The following TTC7B variants were observed in gnomAD, a reference collection of about 807,000 sequenced individuals.
The protein encoded by TTC7B is tetratricopeptide repeat domain 7B, also known as tetratricopeptide repeat protein 7B.
In TTC7B, 28 loss-of-function variants were observed where a neutral mutation model predicts 106.8. The observed-to-expected ratio is 0.26, with a 90% confidence interval of 0.19 to 0.36. The LOEUF is 0.36. Ranked by LOEUF, TTC7B falls within the 10% of genes least tolerant of loss-of-function variation. The pLI, the probability that TTC7B is intolerant of heterozygous loss-of-function variation, is 1.00. For missense variants in TTC7B, 862 were observed against 1,076.4 expected (o/e 0.80, Z 2.79); for synonymous variants, 405 against 430.6 (o/e 0.94, Z 0.74).
At chr14:90,543,081 T>C (rs1356849911) in intron 19 of TTC7B, among the ~76,000 whole-genome samples, 2 of 152,254 alleles carry the variant, frequency 1.3e-5, no homozygotes, top group Non-Finnish European at 2.9e-5. Flanking sequence ...TGAGGTTAAA[T>C]ATTTCCCATG....
At chr14:90,655,875 A>C (rs1316172493) in intron 11 of TTC7B, among the ~76,000 whole-genome samples, 1 of 152,170 alleles carries the variant, frequency 6.6e-6, no homozygotes. Context: ...TTTTTAAAAA[A>C]AAGAGGTCTA....
rs1446997038 is a variant in TTC7B, at chr14:90,532,907, C to T, written c.*8461G>A. On this transcript the variant is annotated 3_prime_UTR_variant, in exon 20 of 20. Coordinates refer to ENST00000328459, the MANE Select transcript of TTC7B (RefSeq NM_001010854.2). ...GTACTGCTGAATGGCAGGCTAAGCT[C>T]AGGCTGGAAACCCTGACCTCCTGCC... 2 of 152,298 alleles carry T rather than the reference C, an allele frequency of 1.3e-5. No individual in the cohort carries two copies. Among genetic ancestry groups the T allele is most frequent in the Non-Finnish European group, 2.9e-5 (2 of 68,122 alleles). 9.4% of individuals were successfully genotyped at this position (152,298 alleles called of 1,614,324 possible).
intron 3 of TTC7B, chr14:90,766,893 A>C: frequency 6.3e-7 from 1 of 1,583,886 alleles, no homozygotes; most frequent in South Asian, 1.1e-5. Context: ...GGGCCCATAG[A>C]GGGCTGTGCC....
intron 5 of TTC7B, among the ~76,000 whole-genome samples, chr14:90,704,834 T>G (rs1888141271): frequency 6.6e-6 from 1 of 152,118 alleles, no homozygotes; most frequent in Non-Finnish European, 1.5e-5. Context: ...CCCTCTGAAG[T>G]CAGTTCTTTC....
chr14:90,560,906 G>T (rs371485407), intron 19 of TTC7B, among the ~76,000 whole-genome samples: 1 of 152,354 alleles, frequency 6.6e-6, no homozygotes, highest in East Asian at 1.9e-4. Flanking sequence ...TCAGGCAGCA[G>T]GTAAAGAATT....
chr14:90,727,877 C>G (rs1889169748), intron 5 of TTC7B, among the ~76,000 whole-genome samples: 1 of 152,184 alleles, frequency 6.6e-6, no homozygotes, highest in African/African-American at 2.4e-5. Flanking sequence ...GAGCAAGTAC[C>G]TCACAAGGAA....
chr14:90,760,345 A>G (rs1194450182), intron 3 of TTC7B, among the ~76,000 whole-genome samples: 4 of 152,206 alleles, frequency 2.6e-5, no homozygotes, highest in Admixed American at 6.5e-5. Context: ...CATATCCTCC[A>G]CAGTCTGCAG....
intron 19 of TTC7B, among the ~76,000 whole-genome samples, chr14:90,572,180 C>G (rs138931948): frequency 6.6e-6 from 1 of 152,322 alleles, no homozygotes; most frequent in Non-Finnish European, 1.5e-5. Context: ...ACTTCCAGCT[C>G]ATCACGCATA....
At chr14:90,787,009 T>C (rs1891415994) in intron 1 of TTC7B, among the ~76,000 whole-genome samples, 1 of 152,128 alleles carries the variant, frequency 6.6e-6, no homozygotes, top group African/African-American at 2.4e-5. Flanking sequence ...TTTTCAAGAG[T>C]GGCGCGATGA....
chr14:90,676,757 A>AGGGAATGGAGACAAGGGT (rs1886858070), intron 8 of TTC7B, 97 bp from the exon 9 acceptor site: 1 of 1,355,856 alleles, frequency 7.4e-7, no homozygotes, highest in Non-Finnish European at 1.0e-6. Flanking sequence ...CAATTTGCGA[A>AGGGAATGGAGACAAGGGT]GGGAATGGAG....
intron 19 of TTC7B, among the ~76,000 whole-genome samples, chr14:90,557,674 C>A (rs1449965706): frequency 6.6e-6 from 1 of 152,236 alleles, no homozygotes; most frequent in Admixed American, 6.5e-5. Context: ...AAGATGGCAG[C>A]CCTGGAACCC....
At chr14:90,736,251 A>G (rs776643479) in intron 4 of TTC7B, among the ~76,000 whole-genome samples, 8 of 152,054 alleles carry the variant, frequency 5.3e-5, no homozygotes, top group Non-Finnish European at 1.0e-4. Flanking sequence ...TTCTCTGTAC[A>G]TAGTGAAAAA....
intron 6 of TTC7B, among the ~76,000 whole-genome samples, chr14:90,691,354 G>A (rs1027996508): frequency 1.3e-5 from 2 of 151,932 alleles, no homozygotes. Flanking sequence ...TTTTAAACGT[G>A]GGGTTTTGAT....
chr14:90,666,979 C>T lies in TTC7B; in HGVS notation c.1153-8592G>A, dbSNP rs140972352. 4.4e-3 allele frequency among the ~76,000 whole-genome samples: 666 copies of T among 152,314 alleles called. 11 individuals are homozygous for T. Among genetic ancestry groups the T allele is most frequent in the Non-Finnish European group, 3.1e-3 (212 of 68,026 alleles). ...AAATACTACTCCATCTGCTGCTTTG[C>T]CAATGTAGCTGTTCCTTGCAAAATG... On this transcript the variant is annotated intron_variant, in intron 9 of 19. Coordinates refer to ENST00000328459, the MANE Select transcript of TTC7B (RefSeq NM_001010854.2).
At chr14:90,735,322 A>G (rs932769528) in intron 4 of TTC7B, among the ~76,000 whole-genome samples, 2 of 152,114 alleles carry the variant, frequency 1.3e-5, no homozygotes, top group African/African-American at 4.8e-5. Context: ...TCTGGGCAAC[A>G]TGGTGAGACC....
intron 12 of TTC7B, among the ~76,000 whole-genome samples, 189 bp from the exon 13 acceptor site, chr14:90,653,087 G>A (rs1885800055): frequency 6.6e-6 from 1 of 152,230 alleles, no homozygotes; most frequent in Non-Finnish European, 1.5e-5. Context: ...CAAGGTGCCT[G>A]CACTCATTAG....
chr14:90,663,826 G>A lies in TTC7B; in HGVS notation c.1153-5439C>T, dbSNP rs1202885322. Among the ~76,000 whole-genome samples, 5 of 152,158 alleles carry A rather than the reference G, an allele frequency of 3.3e-5. No homozygotes were observed. Among genetic ancestry groups the A allele is most frequent in the Admixed American group, 6.5e-5 (1 of 15,270 alleles). On this transcript the variant is annotated intron_variant, in intron 9 of 19. Coordinates refer to ENST00000328459, the MANE Select transcript of TTC7B (RefSeq NM_001010854.2). This position sits in a 1 kb window ranked among gnomAD's most constrained non-coding sequence, Gnocchi z 4.5. The stretch of plus-strand genomic sequence containing the variant: ...GAGCTCTGGCATCACAGCCGATGGC[G>A]CTGCCTGCCAGTGGGCTCTTGGCAT...
chr14:90,801,392 T>C (rs2030260242), intron 1 of TTC7B, among the ~76,000 whole-genome samples: 1 of 152,096 alleles, frequency 6.6e-6, no homozygotes, highest in Admixed American at 6.5e-5. Context: ...TCCAGAACGC[T>C]AAGAGAAGAC....
chr14:90,695,070 A>ATATATGT (rs1335780801), intron 6 of TTC7B, among the ~76,000 whole-genome samples: 24 of 82,308 alleles, frequency 2.9e-4, no homozygotes, highest in African/African-American at 4.5e-4. Context: ...TTTATTATAA[A>ATATATGT]ATATATTTTA....
Sources: gnomAD v4.1 joint callset for allele counts (sites outside exome capture counted in the v4.1 genomes callset) on GRCh38, gnomAD v4.1.1 for gene constraint, Gnocchi (gnomAD v3.1) non-coding constraint, MANE v1.5 for transcripts, NCBI Gene and HGNC (gene_info 2026-07-23, HGNC 2026-07-21) for gene names.